The following DSCAM variants were observed in gnomAD, a reference collection of about 807,000 sequenced individuals.
DSCAM encodes cell adhesion molecule DSCAM.
A neutral mutation model predicts 217.7 loss-of-function variants in DSCAM; 47 were observed. The observed-to-expected ratio is 0.22, with a 90% CI of 0.17 to 0.28. DSCAM has a LOEUF of 0.28. Among genes scored for constraint, DSCAM ranks in the 10% least tolerant of loss-of-function variants. The probability of loss-of-function intolerance (pLI) is 1.00; values close to 1 mark genes in which losing one functional copy is unlikely to be tolerated. For synonymous variants in DSCAM, 1,056 were observed against 1,015.3 expected, an observed-to-expected ratio of 1.04 and a Z score of -0.76; for missense variants, 2,080 against 2,618.3, an observed-to-expected ratio of 0.79 and a Z score of 4.49.
At chr21:40,550,638 C>A (rs370122909) in intron 3 of DSCAM, among the ~76,000 whole-genome samples, 31 of 152,316 alleles carry the variant, frequency 2.0e-4, no homozygotes, top group African/African-American at 7.5e-4. Context: ...AAACACATTA[C>A]GTCTTTGTGG....
At chr21:40,378,147 C>T (rs957430716) in intron 3 of DSCAM, among the ~76,000 whole-genome samples, 1 of 152,124 alleles carries the variant, frequency 6.6e-6, no homozygotes, top group African/African-American at 2.4e-5. Context: ...ATATCCAAAT[C>T]TAGGATTAGT....
intron 1 of DSCAM, among the ~76,000 whole-genome samples, chr21:40,786,606 G>A (rs1194580040): frequency 1.3e-5 from 2 of 152,132 alleles, no homozygotes; most frequent in African/African-American, 4.8e-5. Context: ...AGGGGACATG[G>A]CATCTTCATG....
intron 3 of DSCAM, among the ~76,000 whole-genome samples, chr21:40,688,661 G>A (rs1601851361): frequency 6.6e-6 from 1 of 152,174 alleles, no homozygotes; most frequent in East Asian, 1.9e-4. Context: ...CACCTTGTGT[G>A]CCTGTCTCTG....
chr21:40,609,413 TGTTTA>T (rs1175366700), intron 3 of DSCAM, among the ~76,000 whole-genome samples: 1 of 152,246 alleles, frequency 6.6e-6, no homozygotes. Context: ...ATAGAACACC[TGTTTA>T]GTTATCAATT....
chr21:40,769,473 A>C (rs1009041464), intron 1 of DSCAM, among the ~76,000 whole-genome samples: 5 of 152,174 alleles, frequency 3.3e-5, no homozygotes, highest in African/African-American at 1.2e-4. Flanking sequence ...TGTGGTGGAC[A>C]CAGGTGGGTA....
chr21:40,518,637 T>C (rs138520975), intron 3 of DSCAM, among the ~76,000 whole-genome samples: 20 of 131,036 alleles, frequency 1.5e-4, no homozygotes, highest in African/African-American at 5.7e-4. Flanking sequence ...TACACACACA[T>C]ATATACATGT....
At chr21:40,694,787 T>C (rs1182447171) in intron 2 of DSCAM, among the ~76,000 whole-genome samples, 1 of 151,072 alleles carries the variant, frequency 6.6e-6, no homozygotes, top group Non-Finnish European at 1.5e-5. Flanking sequence ...AGGAGGGAAC[T>C]GACTTTGTAC....
chr21:40,825,846 C>T (rs1319141719), intron 1 of DSCAM, among the ~76,000 whole-genome samples: 5 of 152,062 alleles, frequency 3.3e-5, no homozygotes, highest in Non-Finnish European at 7.4e-5. Flanking sequence ...AAACTATTGT[C>T]ACACAGAGAT....
intron 3 of DSCAM, among the ~76,000 whole-genome samples, chr21:40,641,024 A>C (rs919731538): frequency 4.6e-5 from 7 of 152,252 alleles, no homozygotes; most frequent in Non-Finnish European, 8.8e-5. Context: ...GAACAACTGC[A>C]TAAGAGCCCT....
At chr21:40,829,898 C>G (rs1271607943) in intron 1 of DSCAM, among the ~76,000 whole-genome samples, 1 of 152,120 alleles carries the variant, frequency 6.6e-6, no homozygotes, top group Non-Finnish European at 1.5e-5. Context: ...TGAAAACAAA[C>G]CAACCCTGAG....
intron 3 of DSCAM, among the ~76,000 whole-genome samples, chr21:40,637,933 C>T (rs922123001): frequency 6.6e-6 from 1 of 151,850 alleles, no homozygotes; most frequent in African/African-American, 2.4e-5. Flanking sequence ...ATCCACCCAC[C>T]TCGACCTCCC....
At chr21:40,223,238 C>A (rs1384476721) in intron 11 of DSCAM, among the ~76,000 whole-genome samples, 1 of 152,202 alleles carries the variant, frequency 6.6e-6, no homozygotes, top group African/African-American at 2.4e-5. Context: ...GGCTGCAGGG[C>A]CCTGAACCCC....
intron 20 of DSCAM, among the ~76,000 whole-genome samples, chr21:40,102,048 G>T (rs1259380212): frequency 6.6e-6 from 1 of 151,898 alleles, no homozygotes; most frequent in East Asian, 1.9e-4. Context: ...TATAAGGCAA[G>T]TTCCTGCCCC....
At chr21:40,223,814 T>C (rs2091309137) in intron 11 of DSCAM, among the ~76,000 whole-genome samples, 1 of 152,238 alleles carries the variant, frequency 6.6e-6, no homozygotes, top group African/African-American at 2.4e-5. Flanking sequence ...ACACATTTAA[T>C]GGCCTCTCTA....
chr21:40,440,866 C>T (rs2075623938), intron 3 of DSCAM, among the ~76,000 whole-genome samples: 1 of 152,220 alleles, frequency 6.6e-6, no homozygotes, highest in Non-Finnish European at 1.5e-5. Flanking sequence ...ACAGCACTTA[C>T]AGTGTGTATT....
intron 1 of DSCAM, among the ~76,000 whole-genome samples, chr21:40,752,385 A>T (rs1429415695): frequency 6.6e-6 from 1 of 152,142 alleles, no homozygotes; most frequent in Non-Finnish European, 1.5e-5. Context: ...TCCTGCAGCC[A>T]AATGCTGCAG....
Position 40,024,631 on chromosome 21 carries a change from A to G in DSCAM, c.5687-11245T>C, listed in dbSNP as rs1237323757. On this transcript the variant is annotated intron_variant, in intron 32 of 32. Coordinates refer to ENST00000400454, the MANE Select transcript of DSCAM (RefSeq NM_001389.5). ...CTAGGTATTTTATTCTCTTTGAAGC[A>G]ATTGTGAATGGGAGTTCACTCATGA... 4.3e-5 allele frequency among the ~76,000 whole-genome samples: 3 copies of G among 70,332 alleles called. 1 individual carries two copies. Among genetic ancestry groups the G allele is most frequent in the Admixed American group, 3.2e-4 (2 of 6,206 alleles). The allele number at this position is 70,332 out of a possible 152,430, so 46.1% of individuals were successfully genotyped here. A position where few individuals can be genotyped will look rare whatever the true frequency, so the allele number is the denominator to read the frequency against.
At chr21:40,048,985 A>G (rs1483352935) in intron 30 of DSCAM, among the ~76,000 whole-genome samples, 2 of 152,198 alleles carry the variant, frequency 1.3e-5, no homozygotes, top group Non-Finnish European at 2.9e-5. Flanking sequence ...AAAATGATCC[A>G]GCAGATCTTT....
rs375500315 is a variant in DSCAM, at chr21:40,302,643, A to G, written c.2063-6469T>C. Among the ~76,000 whole-genome samples, 65 of 152,304 alleles carry G rather than the reference A, an allele frequency of 4.3e-4. No individual in the cohort carries two copies. In the South Asian group the frequency reaches 0.011, roughly 25 times the overall value. On this transcript the variant is annotated intron_variant, in intron 9 of 32. Coordinates refer to ENST00000400454, the MANE Select transcript of DSCAM (RefSeq NM_001389.5). Reference sequence around the variant, plus strand: ...TTGCCAAACACTTCTCTGAATCATAATTACGTGCACATAACCAGCACTCCT... The same window carrying G: ...TTGCCAAACACTTCTCTGAATCATAGTTACGTGCACATAACCAGCACTCCT...
Sources: allele counts gnomAD v4.1 joint callset (sites outside exome capture counted in the v4.1 genomes callset), GRCh38; gene constraint gnomAD v4.1.1; transcripts MANE v1.5; gene names NCBI Gene and HGNC (gene_info 2026-07-23, HGNC 2026-07-21).